PRMT8: variants seen among roughly 807,000 people sequenced by gnomAD.
The protein encoded by PRMT8 is protein arginine N-methyltransferase 8.
PRMT8 carries 7 observed loss-of-function variants against 47.1 expected under a neutral mutation model. The observed-to-expected ratio is 0.15, with a 90% CI of 0.08 to 0.28. The LOEUF (loss-of-function observed/expected upper bound fraction) is 0.28, where lower values mean the gene tolerates loss of function less well. Ranked by LOEUF, PRMT8 falls within the 10% of genes least tolerant of loss-of-function variation. The probability of loss-of-function intolerance (pLI) is 1.00; values close to 1 mark genes in which losing one functional copy is unlikely to be tolerated. For synonymous variants in PRMT8, 188 were observed against 186.5 expected, an observed-to-expected ratio of 1.01 and a Z score of -0.07; for missense variants, 237 against 505.4, an observed-to-expected ratio of 0.47 and a Z score of 5.09.
At chr12:3,586,801 A>G (rs1867185222) in intron 8 of PRMT8, among the ~76,000 whole-genome samples, 1 of 152,140 alleles carries the variant, frequency 6.6e-6, no homozygotes, top group Non-Finnish European at 1.5e-5. Context: ...AGGCTATTCC[A>G]TCTCCTCACT....
In PRMT8 at chr12:3,491,603, T is replaced by A. The variant is rs1300852090; in HGVS notation, c.-23T>A. On this transcript the variant is annotated 5_prime_UTR_variant, in exon 1 of 10. Transcript: ENST00000382622. ...TCTCTCCTCCTCTACTATCTCGGTATCACCAAACCCTTGCCGGCTCTTATG... is the reference window on the plus strand; with the variant it reads ...TCTCTCCTCCTCTACTATCTCGGTAACACCAAACCCTTGCCGGCTCTTATG... 4 of 1,610,064 alleles carry A rather than the reference T, an allele frequency of 2.5e-6. No homozygotes were observed. The highest frequency in any genetic ancestry group is 3.4e-6 in the Non-Finnish European group (4 of 1,178,882).
Position 3,496,210 on chromosome 12 carries a change from A to ATTTTT in PRMT8, c.75+4511_75+4512insTTTTT, listed in dbSNP as rs1565423219. 7.6e-4 allele frequency among the ~76,000 whole-genome samples: 8 copies of ATTTTT among 10,572 alleles called. No homozygotes were observed. The South Asian group carries it at 0.016, about 21-fold the overall frequency. The allele number at this position is 10,572 out of a possible 152,430, so 6.9% of individuals were successfully genotyped here. On this transcript the variant is annotated intron_variant, in intron 1 of 9. Coordinates refer to ENST00000382622, the MANE Select transcript of PRMT8 (RefSeq NM_019854.5). ...TCACTTTGGAAACTGATATATATAT[A>ATTTTT]TATATTTTTTTTTTTTTTTTTTTTT... is the stretch of plus-strand genomic sequence containing the variant.
intron 1 of PRMT8, among the ~76,000 whole-genome samples, chr12:3,410,119 G>A (rs1158539575): frequency 1.3e-5 from 2 of 152,124 alleles, no homozygotes; most frequent in Non-Finnish European, 2.9e-5. Context: ...TGTCTTCTCA[G>A]CACCATAAAA....
chr12:3,456,340 C>T lies in PRMT8; in HGVS notation c.48+74898C>T, dbSNP rs1276951067. 6.6e-6 allele frequency among the ~76,000 whole-genome samples: 1 copy of T among 152,156 alleles called. No homozygotes were observed. Among genetic ancestry groups the T allele is most frequent in the Admixed American group, 6.5e-5 (1 of 15,274 alleles). Reference sequence around the variant, plus strand: ...AAAGTGGAGCTATTAAATAAATGTTCACGACATTTTTCTGGATCGTGGATC... The same window carrying T: ...AAAGTGGAGCTATTAAATAAATGTTTACGACATTTTTCTGGATCGTGGATC... On this transcript the variant is annotated intron_variant, in intron 1 of 9. Coordinates refer to the PRMT8 transcript ENST00000452611. The surrounding 1 kb of genome is among the most constrained non-coding windows in gnomAD (Gnocchi z 4.2).
rs1866442370 is a variant in PRMT8 at position 3,552,642 on chromosome 12, C to T, written c.418-1009C>T. On this transcript the variant is annotated intron_variant, in intron 3 of 9. Transcript: ENST00000382622. This position sits in a 1 kb window ranked among gnomAD's most constrained non-coding sequence, Gnocchi z 4.5. ...GGCTGGTTCTCCTGGGACCTGCACC[C>T]TGGCTGGAGTCGGCCTCCTTGGATG... 4.5e-6 allele frequency: 2 copies of T among 439,616 alleles called. No individual in the cohort carries two copies. The highest frequency in any genetic ancestry group is 9.2e-6 in the Non-Finnish European group (2 of 216,904). The allele number at this position is 439,616 out of a possible 1,614,324, so 27.2% of individuals were successfully genotyped here. A position where few individuals can be genotyped will look rare whatever the true frequency, so the allele number is the denominator to read the frequency against.
chr12:3,482,215 C>T (rs1394616902), intron 1 of PRMT8, among the ~76,000 whole-genome samples: 5 of 151,982 alleles, frequency 3.3e-5, no homozygotes, highest in Admixed American at 1.3e-4. Flanking sequence ...CTATCCTGCC[C>T]GAGATGACAA....
intron 1 of PRMT8, among the ~76,000 whole-genome samples, chr12:3,521,680 A>G (rs1179280196): frequency 6.6e-6 from 1 of 152,248 alleles, no homozygotes; most frequent in Non-Finnish European, 1.5e-5. Flanking sequence ...AAAAATGGTC[A>G]GAAAACAAAC....
At chr12:3,437,914 G>A (rs760914279) in intron 1 of PRMT8, among the ~76,000 whole-genome samples, 9 of 152,146 alleles carry the variant, frequency 5.9e-5, no homozygotes, top group Non-Finnish European at 1.2e-4. Context: ...CAGTTAGCTC[G>A]AGCAGTAACT....
intron 1 of PRMT8, among the ~76,000 whole-genome samples, chr12:3,483,842 G>C (rs1865297502): frequency 6.6e-6 from 1 of 152,100 alleles, no homozygotes. Flanking sequence ...TGAGAGCTAT[G>C]GGGTTATGCT....
intron 1 of PRMT8, among the ~76,000 whole-genome samples, chr12:3,464,670 A>T (rs112904981): frequency 1.3e-4 from 20 of 152,352 alleles, no homozygotes; most frequent in African/African-American, 4.8e-4. Context: ...TCTACCCCTT[A>T]AAAGAAACAT....
upstream of PRMT8, among the ~76,000 whole-genome samples, chr12:3,486,840 G>A (rs1865327960): frequency 6.6e-6 from 1 of 152,236 alleles, no homozygotes; most frequent in African/African-American, 2.4e-5. Flanking sequence ...CAAAACCGCA[G>A]TGAATTGATT....
At chr12:3,545,024 A>G (rs1026598380) in intron 2 of PRMT8, among the ~76,000 whole-genome samples, 4 of 152,216 alleles carry the variant, frequency 2.6e-5, no homozygotes, top group Non-Finnish European at 4.4e-5. Context: ...TTCCCTGCTC[A>G]TCTCAGCTAT....
In PRMT8 at chr12:3,576,593, A is replaced by C. The variant is rs957743788; in HGVS notation, c.713-278A>C. Among the ~76,000 whole-genome samples, 1 of 152,134 alleles carries C rather than the reference A, an allele frequency of 6.6e-6. No individual in the cohort carries two copies. Among genetic ancestry groups the C allele is most frequent in the African/African-American group, 2.4e-5 (1 of 41,418 alleles). ...TCTAGTCTTTGCCCTGCTGCACTCT[A>C]GCTATAGGAGCTTGGAGCAGTTTCC... On this transcript the variant is annotated intron_variant, in intron 6 of 9. Coordinates refer to ENST00000382622, the MANE Select transcript of PRMT8 (RefSeq NM_019854.5). This position sits in a 1 kb window ranked among gnomAD's most constrained non-coding sequence, Gnocchi z 4.0.
intron 4 of PRMT8, among the ~76,000 whole-genome samples, chr12:3,565,675 A>G (rs117807186): frequency 1.6e-4 from 24 of 152,316 alleles, no homozygotes; most frequent in African/African-American, 5.5e-4. Context: ...ATATCTAGCT[A>G]TCATCTATCT....
intron 1 of PRMT8, among the ~76,000 whole-genome samples, chr12:3,473,262 C>T (rs1185225534): frequency 6.6e-6 from 1 of 152,126 alleles, no homozygotes; most frequent in Non-Finnish European, 1.5e-5. Context: ...GGGCTGAAAT[C>T]CCTGCTGACC....
Position 3,385,416 on chromosome 12 carries a change from C to A in PRMT8, c.48+3974C>A, listed in dbSNP as rs571794487. Among the ~76,000 whole-genome samples the A allele has an allele frequency of 7.9e-5, 12 of 152,304 alleles. No homozygotes were observed. The Middle Eastern group carries it at 0.01, about 130-fold the overall frequency. ...TCTTCAAAAGCCAGGTGATTCCTCC[C>A]AGACTGTACCCACAATTTCAGTCCT... On this transcript the variant is annotated intron_variant, in intron 1 of 9. Transcript: ENST00000452611.
intron 1 of PRMT8, among the ~76,000 whole-genome samples, 182 bp downstream of exon 1, chr12:3,491,882 GTGTGTGTT>G (rs1270565050): frequency 7.4e-4 from 72 of 97,746 alleles, no homozygotes; most frequent in Middle Eastern, 0.011. Flanking sequence ...GTGTGTGTGT[GTGTGTGTT>G]GGTGGGGGGT....
At chr12:3,430,429 C>T (rs1864663122) in intron 1 of PRMT8, among the ~76,000 whole-genome samples, 1 of 152,158 alleles carries the variant, frequency 6.6e-6, no homozygotes, top group Non-Finnish European at 1.5e-5. Context: ...GTGGTCTCCT[C>T]CCTTACAACC....
intron 5 of PRMT8, 26 bp downstream of exon 5, chr12:3,568,874 C>A (rs371403194): frequency 1.2e-6 from 2 of 1,612,974 alleles, no homozygotes; most frequent in African/African-American, 1.3e-5. Context: ...GCTGTCCCCG[C>A]GTTGGCCGGC....
Sources: gnomAD v4.1 joint callset for allele counts (sites outside exome capture counted in the v4.1 genomes callset) on GRCh38, gnomAD v4.1.1 for gene constraint, Gnocchi (gnomAD v3.1) non-coding constraint, MANE v1.5 for transcripts, NCBI Gene and HGNC (gene_info 2026-07-23, HGNC 2026-07-21) for gene names.